The following CCDC192 variants were observed in gnomAD, a reference collection of about 807,000 sequenced individuals.
CCDC192 encodes coiled-coil domain containing 192.
chr5:127,757,092 G>C (rs1754642770), intron 3 of CCDC192, among the ~76,000 whole-genome samples: 1 of 152,174 alleles, frequency 6.6e-6, no homozygotes, highest in Admixed American at 6.5e-5. Context: ...TGCTGGTTAG[G>C]TGTTTTGTGG....
chr5:127,789,048 A>AT (rs1182022322), intron 3 of CCDC192, among the ~76,000 whole-genome samples: 1 of 152,182 alleles, frequency 6.6e-6, no homozygotes, highest in Admixed American at 6.5e-5. Flanking sequence ...AAGACACTGA[A>AT]TTTTTTGTCA....
intron 2 of CCDC192, among the ~76,000 whole-genome samples, chr5:127,732,843 G>C (rs1336760504): frequency 2.0e-5 from 3 of 152,134 alleles, no homozygotes; most frequent in South Asian, 2.1e-4. Context: ...GCCTGCAAGG[G>C]TGAGGGTGGC....
intron 5 of CCDC192, among the ~76,000 whole-genome samples, chr5:127,816,754 G>C (rs1409394614): frequency 6.6e-6 from 1 of 152,180 alleles, no homozygotes; most frequent in Non-Finnish European, 1.5e-5. Context: ...TGCGAGGGAG[G>C]CTTCTGCTTT....
At chr5:127,703,939 G>C (rs868082858) in intron 1 of CCDC192, among the ~76,000 whole-genome samples, 3 of 152,134 alleles carry the variant, frequency 2.0e-5, no homozygotes, top group African/African-American at 7.2e-5. Context: ...TAAAAACCTA[G>C]ATCAATGTTG....
In CCDC192 at chr5:127,766,525, T is replaced by C. The variant is rs190839454; in HGVS notation, c.222+12150T>C. The stretch of plus-strand genomic sequence containing the variant: ...GCCATGGGACTTCTGTGGATTCTAT[T>C]CTATTCTTGTCCTACCCCATCCAAG... On this transcript the variant is annotated intron_variant, in intron 3 of 6. Coordinates refer to ENST00000514853, the MANE Select transcript of CCDC192 (RefSeq NM_001317938.2). Among the ~76,000 whole-genome samples the C allele has an allele frequency of 2.6e-5, 4 of 151,270 alleles. No individual in the cohort carries two copies. In the East Asian group the frequency reaches 7.8e-4, roughly 30 times the overall value.
chr5:127,781,070 C>T (rs1756189133), intron 3 of CCDC192, among the ~76,000 whole-genome samples: 1 of 152,042 alleles, frequency 6.6e-6, no homozygotes, highest in South Asian at 2.1e-4. Flanking sequence ...ATCCCAGCAC[C>T]ATTTGTTAAA....
intron 3 of CCDC192, among the ~76,000 whole-genome samples, chr5:127,763,281 G>A (rs1755030220): frequency 6.6e-6 from 1 of 152,074 alleles, no homozygotes; most frequent in African/African-American, 2.4e-5. Flanking sequence ...ACATTCCCTA[G>A]GCCAGTGATC....
chr5:127,901,712 C>A (rs1218192171), intron 6 of CCDC192, among the ~76,000 whole-genome samples: 1 of 152,184 alleles, frequency 6.6e-6, no homozygotes, highest in East Asian at 1.9e-4. Flanking sequence ...TCTTTCCATT[C>A]CACACATGTT....
intron 6 of CCDC192, among the ~76,000 whole-genome samples, chr5:127,915,474 C>T (rs755537801): frequency 5.3e-5 from 8 of 152,186 alleles, no homozygotes; most frequent in East Asian, 3.9e-4. Context: ...CTCTGCCTCC[C>T]GGGTTCAAGC....
intron 5 of CCDC192, among the ~76,000 whole-genome samples, chr5:127,809,238 G>T (rs1046441765): frequency 6.6e-6 from 1 of 151,984 alleles, no homozygotes; most frequent in African/African-American, 2.4e-5. Flanking sequence ...GTGTGAAATA[G>T]TTGTATTTTT....
At chr5:127,715,844 G>A (rs1412375295) in intron 2 of CCDC192, among the ~76,000 whole-genome samples, 1 of 152,088 alleles carries the variant, frequency 6.6e-6, no homozygotes, top group African/African-American at 2.4e-5. Context: ...CTGTAAACAG[G>A]AACAATGTGA....
intron 5 of CCDC192, among the ~76,000 whole-genome samples, chr5:127,864,177 T>A (rs902064918): frequency 6.6e-6 from 1 of 152,176 alleles, no homozygotes; most frequent in African/African-American, 2.4e-5. Context: ...GTTTTCTGGG[T>A]CAGGACCATA....
chr5:127,813,354 T>C (rs1758186608), intron 5 of CCDC192, among the ~76,000 whole-genome samples: 1 of 152,222 alleles, frequency 6.6e-6, no homozygotes, highest in Non-Finnish European at 1.5e-5. Flanking sequence ...AAGTAAATTT[T>C]TGTATAGTTT....
intron 6 of CCDC192, among the ~76,000 whole-genome samples, chr5:127,911,511 T>A (rs928338616): frequency 5.3e-5 from 8 of 152,146 alleles, no homozygotes; most frequent in Non-Finnish European, 1.2e-4. Flanking sequence ...ATTATATTCT[T>A]CTCAGCACCA....
intron 2 of CCDC192, among the ~76,000 whole-genome samples, chr5:127,709,926 T>A (rs1231145306): frequency 6.6e-6 from 1 of 152,112 alleles, no homozygotes; most frequent in Non-Finnish European, 1.5e-5. Context: ...CTAAGGATGC[T>A]AATCAACCAG....
chr5:127,813,509 A>G (rs1251258251), intron 5 of CCDC192, among the ~76,000 whole-genome samples: 1 of 151,976 alleles, frequency 6.6e-6, no homozygotes, highest in African/African-American at 2.4e-5. Flanking sequence ...AAATAATTCT[A>G]TGTTTTGCCC....
intron 6 of CCDC192, among the ~76,000 whole-genome samples, chr5:127,896,643 T>G (rs1478309054): frequency 6.6e-6 from 1 of 152,038 alleles, no homozygotes; most frequent in East Asian, 1.9e-4. Context: ...ACGGGATTTC[T>G]CCATGTTGGT....
At chr5:127,792,546 A>ATG (rs959215140) in intron 3 of CCDC192, among the ~76,000 whole-genome samples, 5 of 149,154 alleles carry the variant, frequency 3.4e-5, no homozygotes, top group Admixed American at 6.7e-5. Context: ...ATATATATAT[A>ATG]TGTATAAAAA....
intron 3 of CCDC192, among the ~76,000 whole-genome samples, chr5:127,787,452 T>C (rs1330701938): frequency 2.0e-5 from 3 of 152,264 alleles, no homozygotes; most frequent in South Asian, 2.1e-4. Flanking sequence ...TGTTTCTAAA[T>C]ATTTTTTAAT....
Sources: gnomAD v4.1 joint callset for allele counts (sites outside exome capture counted in the v4.1 genomes callset) on GRCh38, gnomAD v4.1.1 for gene constraint, MANE v1.5 for transcripts, NCBI Gene and HGNC (gene_info 2026-07-23, HGNC 2026-07-21) for gene names.